Variants in MYRIP observed in about 807,000 individuals in gnomAD.
MYRIP encodes the protein rab effector MyRIP.
A neutral mutation model predicts 98.0 loss-of-function variants in MYRIP; 49 were observed. The observed-to-expected ratio is 0.50, with a 90% CI of 0.40 to 0.63. MYRIP has a LOEUF of 0.63. Ranked by LOEUF, MYRIP falls within the 30% of genes least tolerant of loss-of-function variation. The pLI is 0.00. For missense variants in MYRIP, 1,004 were observed against 1,058.2 expected, an observed-to-expected ratio of 0.95 and a Z score of 0.71; for synonymous variants, 404 against 409.5, an observed-to-expected ratio of 0.99 and a Z score of 0.16.
chr3:40,088,561 C>T (rs1948675878), intron 3 of MYRIP, among the ~76,000 whole-genome samples: 1 of 152,206 alleles, frequency 6.6e-6, no homozygotes, highest in South Asian at 2.1e-4. Flanking sequence ...TCCTACCCTT[C>T]AGGACCTCAG....
chr3:40,237,012 G>T (rs931913429), intron 12 of MYRIP, among the ~76,000 whole-genome samples: 1 of 151,894 alleles, frequency 6.6e-6, no homozygotes, highest in Admixed American at 6.6e-5. Context: ...AAAACAACAA[G>T]AAATAAAAAT....
At chr3:39,895,354 T>A (rs1260810306) in intron 1 of MYRIP, among the ~76,000 whole-genome samples, 2 of 151,914 alleles carry the variant, frequency 1.3e-5, no homozygotes, top group Non-Finnish European at 2.9e-5. Flanking sequence ...GCTCGGCTAA[T>A]TTTTGTATTT....
At chr3:39,896,530 C>G (rs1294055744) in intron 1 of MYRIP, among the ~76,000 whole-genome samples, 1 of 152,154 alleles carries the variant, frequency 6.6e-6, no homozygotes, top group Non-Finnish European at 1.5e-5. Context: ...ATCCCCCATG[C>G]CTTAAATGTG....
intron 1 of MYRIP, among the ~76,000 whole-genome samples, chr3:39,869,603 C>T (rs1942724819): frequency 6.6e-6 from 1 of 152,146 alleles, no homozygotes; most frequent in Admixed American, 6.6e-5. Flanking sequence ...TTGAAGTCCC[C>T]TTCTTTGACT....
At chr3:39,812,854 T>C (rs759200908) in intron 1 of MYRIP, among the ~76,000 whole-genome samples, 1 of 152,226 alleles carries the variant, frequency 6.6e-6, no homozygotes, top group Non-Finnish European at 1.5e-5. Flanking sequence ...GAACATGATT[T>C]CCAACTACTA....
chr3:39,953,873 G>A (rs560026007), intron 2 of MYRIP, among the ~76,000 whole-genome samples: 1 of 152,292 alleles, frequency 6.6e-6, no homozygotes, highest in Admixed American at 6.5e-5. Flanking sequence ...TCCCATGCCT[G>A]ACTCAGAGGG....
intron 5 of MYRIP, among the ~76,000 whole-genome samples, chr3:40,164,969 T>C (rs952679434): frequency 3.3e-5 from 5 of 152,212 alleles, no homozygotes; most frequent in African/African-American, 1.2e-4. Context: ...GTCCATCAGG[T>C]TATCACTGGG....
At chr3:40,003,613 T>C (rs2125788039) in intron 2 of MYRIP, among the ~76,000 whole-genome samples, 1 of 152,296 alleles carries the variant, frequency 6.6e-6, no homozygotes, top group South Asian at 2.1e-4. Context: ...TTAATGCACC[T>C]TTTCTCCATT....
intron 1 of MYRIP, among the ~76,000 whole-genome samples, chr3:39,838,585 T>C (rs912466703): frequency 2.7e-4 from 41 of 152,198 alleles, no homozygotes; most frequent in Non-Finnish European, 4.9e-4. Context: ...GATAAGCCTT[T>C]TAATGTGCTG....
At position 40,210,029 on chromosome 3, in the gene MYRIP, A is replaced by C. The variant is rs1951878672; in HGVS notation, c.1841A>C (p.Glu614Ala). ...DQESEPKTES[E>A]NQKESLSSED... ...GAGTCTGAGCCCAAGACAGAATCTG[A>C]GAACCAGAAGGAAAGTCTGTCCTCT... The change falls in exon 11 of 17, where the codon GAG becomes GCG. Residue 614 changes from glutamate to alanine, a missense_variant. By Grantham distance (107) the Glu-to-Ala change is moderately radical (BLOSUM62 -1). Around this residue, in one of 3 missense-constraint regions of MYRIP, gnomAD observed 880 missense variants for 907.7 expected, o/e 0.97. Coordinates refer to ENST00000302541, the MANE Select transcript of MYRIP (RefSeq NM_015460.4). 1 of 1,613,982 alleles carries C rather than the reference A, an allele frequency of 6.2e-7. No homozygotes were observed. The highest frequency in any genetic ancestry group is 1.7e-5 in the Admixed American group (1 of 59,990).
In MYRIP at chr3:40,258,600, C is replaced by CATCA. The variant is rs2125735591; in HGVS notation, c.*435_*438dup. 1 of 186,678 alleles carries CATCA rather than the reference C, an allele frequency of 5.4e-6. No homozygotes were observed. The highest frequency in any genetic ancestry group is 2.3e-5 in the African/African-American group (1 of 43,520). The allele number at this position is 186,678 out of a possible 1,614,324, so 11.6% of individuals were successfully genotyped here. On this transcript the variant is annotated 3_prime_UTR_variant, in exon 17 of 17. Transcript: ENST00000302541. ...GGAAGGTGGGAATTATTATTTAATA[C>CATCA]ATCATTAATGCTTATTAATCTCTCA...
intron 13 of MYRIP, among the ~76,000 whole-genome samples, chr3:40,247,008 T>C (rs1559475184): frequency 6.6e-6 from 1 of 152,232 alleles, no homozygotes; most frequent in Non-Finnish European, 1.5e-5. Flanking sequence ...CAAGACTTAA[T>C]CAATTTATTG....
intron 11 of MYRIP, among the ~76,000 whole-genome samples, chr3:40,221,479 A>C (rs1158432286): frequency 3.9e-5 from 6 of 152,152 alleles, no homozygotes; most frequent in Admixed American, 3.9e-4. Context: ...AAAAATACAA[A>C]AATTAGCCAG....
In MYRIP at chr3:39,879,849, G is replaced by T. The variant is rs79684612; in HGVS notation, c.-30-20938G>T. Among the ~76,000 whole-genome samples the T allele has an allele frequency of 9.2e-3, 1,407 of 152,172 alleles. 26 individuals are homozygous for T. Among genetic ancestry groups the T allele is most frequent in the African/African-American group, 0.032 (1,331 of 41,502 alleles). ...AGGATTTGAAGGAAATTTGTAGGTA[G>T]ATTTTTTAGCTCTTCTCTGGGACTC... On this transcript the variant is annotated intron_variant, in intron 1 of 16. Coordinates refer to ENST00000302541, the MANE Select transcript of MYRIP (RefSeq NM_015460.4).
In MYRIP at chr3:40,056,013, A is replaced by G. The variant is rs573098364; in HGVS notation, c.332+11742A>G. ...ATTCAACAAATATTAATTAGTGTAC[A>G]GAGGGGTTTTGATGTTAACATCTAA... is the stretch of plus-strand genomic sequence containing the variant. On this transcript the variant is annotated intron_variant, in intron 3 of 16. Coordinates refer to ENST00000302541, the MANE Select transcript of MYRIP (RefSeq NM_015460.4). Among the ~76,000 whole-genome samples, 7 of 152,340 alleles carry G rather than the reference A, an allele frequency of 4.6e-5. No homozygotes were observed. The East Asian group carries it at 1.2e-3, about 25-fold the overall frequency.
At chr3:40,083,918 A>G (rs1023800869) in intron 3 of MYRIP, among the ~76,000 whole-genome samples, 1 of 152,080 alleles carries the variant, frequency 6.6e-6, no homozygotes, top group African/African-American at 2.4e-5. Flanking sequence ...TGGGCGGATT[A>G]TGAGGTCAGG....
At chr3:40,100,295 A>C in intron 3 of MYRIP, 2 of 981,472 alleles carry the variant, frequency 2.0e-6, no homozygotes, top group Non-Finnish European at 2.4e-6. Flanking sequence ...TTTATTTCAC[A>C]ATTTGCTATT....
chr3:39,913,281 G>A (rs1253537232), intron 2 of MYRIP, among the ~76,000 whole-genome samples: 1 of 152,118 alleles, frequency 6.6e-6, no homozygotes, highest in Non-Finnish European at 1.5e-5. Context: ...CTGCTTAGAG[G>A]ATAGGCAAAC....
At chr3:39,866,527 A>G (rs1014255297) in intron 1 of MYRIP, among the ~76,000 whole-genome samples, 2 of 152,060 alleles carry the variant, frequency 1.3e-5, no homozygotes, top group African/African-American at 2.4e-5. Flanking sequence ...CTGGGGTGTA[A>G]TGGTGTGATC....
Sources: allele counts gnomAD v4.1 joint callset (sites outside exome capture counted in the v4.1 genomes callset), GRCh38; gene constraint gnomAD v4.1.1; regional missense constraint gnomAD v4.1.1; transcripts MANE v1.5; gene names NCBI Gene and HGNC (gene_info 2026-07-23, HGNC 2026-07-21).